Variants in VPS13B observed in about 807,000 individuals in gnomAD.
The protein encoded by VPS13B is intermembrane lipid transfer protein VPS13B.
A neutral mutation model predicts 426.4 loss-of-function variants in VPS13B; 285 were observed. The observed-to-expected ratio is 0.67, with a 90% CI of 0.61 to 0.74. VPS13B has a LOEUF of 0.74. VPS13B is among the 30% of genes least tolerant of loss of function. VPS13B has a pLI of 0.00. For missense variants in VPS13B, 4,537 were observed against 4,782.6 expected (o/e 0.95, Z 1.51); for synonymous variants, 1,676 against 1,676.4 (o/e 1.00, Z 0.01).
rs75255318 is a variant in VPS13B, at chr8:99,868,512, T to C, written c.11392+47T>C. On this transcript the variant is annotated intron_variant, in intron 59 of 61. Coordinates refer to ENST00000357162, the MANE Select transcript of VPS13B (RefSeq NM_152564.5). ...CAGGCCAACCCAGACGTTACTGATT[T>C]GCATGCTTATACCAAGGGTTCCCTA... 5.1e-4 allele frequency: 798 copies of C among 1,565,018 alleles called. 3 individuals carry two copies. The East Asian group carries it at 0.016, about 32-fold the overall frequency.
At chr8:99,189,222 T>G (rs1254539812) in intron 16 of VPS13B, among the ~76,000 whole-genome samples, 2 of 152,056 alleles carry the variant, frequency 1.3e-5, no homozygotes, top group Non-Finnish European at 2.9e-5. Flanking sequence ...GTGCTGGGAT[T>G]ACAGGCGTGA....
chr8:99,156,378 T>G (rs943170385), intron 14 of VPS13B, among the ~76,000 whole-genome samples, 171 bp from the exon 15 acceptor site: 1 of 152,184 alleles, frequency 6.6e-6, no homozygotes, highest in Non-Finnish European at 1.5e-5. Context: ...TTAAAATACA[T>G]GGAAAGACAT....
At position 99,717,223 on chromosome 8, in the gene VPS13B, A is replaced by C. The variant is rs1367000031; in HGVS notation, c.6507A>C (p.Lys2169Asn). Residue 2169 changes from lysine to asparagine, a missense_variant, in exon 37 of 62, where the codon AAA becomes AAC. By Grantham distance (94) the Lys-to-Asn change is moderately conservative. This residue lies in a region of VPS13B where 4,311 missense variants were observed against 4,474.3 expected (regional missense o/e 0.96). Transcript: ENST00000357162. The stretch of plus-strand genomic sequence containing the variant: ...TCAGTATAAACGATTTTCTCCTTAA[A>C]ACAAGTCTCAAAGAAAGAAGCCGCA... ...FLLSINDFLL[K>N]TSLKERSRIL... 22 of 1,614,026 alleles carry C rather than the reference A, an allele frequency of 1.4e-5. No individual in the cohort carries two copies. The highest frequency in any genetic ancestry group is 1.9e-5 in the Non-Finnish European group (22 of 1,179,968).
At position 99,859,397 on chromosome 8, in the gene VPS13B, A is replaced by T. The variant is rs774678400; in HGVS notation, c.10961A>T (p.Tyr3654Phe). 34 of 1,613,956 alleles carry T rather than the reference A, an allele frequency of 2.1e-5. No homozygotes were observed. Among genetic ancestry groups the T allele is most frequent in the Non-Finnish European group, 2.8e-5 (33 of 1,180,028 alleles). The part of the protein sequence containing the change: ...NGVADFFRLP[Y>F]EGLTRGPGAF... The stretch of plus-strand genomic sequence containing the variant: ...GTCGCCGACTTCTTCAGGCTTCCGT[A>T]TGAGGGGCTGACCCGGGGCCCTGGA... The change falls in exon 57 of 62, where the codon TAT becomes TTT. Residue 3654 changes from tyrosine (Y) to phenylalanine (F), a missense_variant. Tyr to Phe is a conservative substitution (Grantham distance 22, BLOSUM62 3). This residue lies in a region of VPS13B where 4,311 missense variants were observed against 4,474.3 expected (regional missense o/e 0.96). Coordinates refer to ENST00000357162, the MANE Select transcript of VPS13B (RefSeq NM_152564.5).
intron 19 of VPS13B, among the ~76,000 whole-genome samples, chr8:99,380,267 G>A (rs1813720201): frequency 6.6e-6 from 1 of 152,046 alleles, no homozygotes; most frequent in African/African-American, 2.4e-5. Context: ...CCTTTATTCT[G>A]TGTATAAGTG....
At chr8:99,199,600 G>GT (rs1814175623) in intron 17 of VPS13B, among the ~76,000 whole-genome samples, 1 of 152,156 alleles carries the variant, frequency 6.6e-6, no homozygotes, top group Admixed American at 6.5e-5. Context: ...ACAATATCCA[G>GT]TTTTTTCCTG....
chr8:99,619,698 C>T (rs895463124), intron 33 of VPS13B, among the ~76,000 whole-genome samples: 1 of 152,024 alleles, frequency 6.6e-6, no homozygotes, highest in Non-Finnish European at 1.5e-5. Context: ...ATAGTGAAAC[C>T]TTGTCTCTAC....
intron 39 of VPS13B, among the ~76,000 whole-genome samples, chr8:99,733,753 A>G (rs935242341): frequency 6.6e-6 from 1 of 152,192 alleles, no homozygotes; most frequent in Non-Finnish European, 1.5e-5. Flanking sequence ...GTTAAAAAAA[A>G]TGAAACTTTA....
At chr8:99,437,847 GT>G (rs1337771320) in intron 22 of VPS13B, among the ~76,000 whole-genome samples, 1 of 152,114 alleles carries the variant, frequency 6.6e-6, no homozygotes, top group African/African-American at 2.4e-5. Flanking sequence ...TTAAAGCTAT[GT>G]TTTTATTCCA....
chr8:99,796,677 A>T (rs1332781014), intron 43 of VPS13B: 3 of 152,222 alleles, frequency 2.0e-5, no homozygotes, highest in Non-Finnish European at 4.4e-5. Flanking sequence ...TGCACTCAAA[A>T]GGTTCTTCTG....
chr8:99,744,519 A>T (rs1403887628), intron 39 of VPS13B, among the ~76,000 whole-genome samples: 1 of 152,188 alleles, frequency 6.6e-6, no homozygotes, highest in Non-Finnish European at 1.5e-5. Flanking sequence ...ACACATGCAC[A>T]CGTATATTTA....
chr8:99,724,440 GC>G (rs1009540109), intron 39 of VPS13B, among the ~76,000 whole-genome samples: 1 of 152,074 alleles, frequency 6.6e-6, no homozygotes, highest in Non-Finnish European at 1.5e-5. Context: ...TGAAAGGAAG[GC>G]CCTAATCAAC....
intron 19 of VPS13B, among the ~76,000 whole-genome samples, chr8:99,334,801 A>T (rs543037961): frequency 1.5e-3 from 231 of 152,194 alleles, no homozygotes; most frequent in African/African-American, 5.1e-3. Flanking sequence ...TTCATCAAGG[A>T]TATTGGTCTA....
intron 23 of VPS13B, among the ~76,000 whole-genome samples, chr8:99,452,651 G>A (rs965116829): frequency 2.6e-5 from 4 of 151,718 alleles, no homozygotes; most frequent in African/African-American, 7.3e-5. Flanking sequence ...TGGTCTTTAC[G>A]AAATGAAAAA....
At chr8:99,409,562 T>A (rs1175808565) in intron 21 of VPS13B, among the ~76,000 whole-genome samples, 1 of 152,154 alleles carries the variant, frequency 6.6e-6, no homozygotes, top group African/African-American at 2.4e-5. Flanking sequence ...ATTAGATATG[T>A]CAAATTAAAT....
chr8:99,581,496 C>T (rs1026685575), intron 33 of VPS13B, among the ~76,000 whole-genome samples: 1 of 152,132 alleles, frequency 6.6e-6, no homozygotes, highest in Non-Finnish European at 1.5e-5. Flanking sequence ...GGCCACTAGA[C>T]CAATGGGCCT....
At chr8:99,293,423 TA>T (rs1469330395) in intron 19 of VPS13B, among the ~76,000 whole-genome samples, 1 of 103,816 alleles carries the variant, frequency 9.6e-6, no homozygotes, top group South Asian at 3.9e-4. Context: ...ACGTTAGACC[TA>T]AAACCATAAA....
chr8:99,444,314 G>A (rs1381495124), intron 23 of VPS13B, among the ~76,000 whole-genome samples: 1 of 152,034 alleles, frequency 6.6e-6, no homozygotes. Flanking sequence ...GGCCAGGCTG[G>A]TTTCAAACTC....
intron 39 of VPS13B, among the ~76,000 whole-genome samples, chr8:99,764,742 G>A (rs1403769672): frequency 2.0e-5 from 3 of 152,002 alleles, no homozygotes; most frequent in Admixed American, 6.6e-5. Flanking sequence ...CATTTTAACA[G>A]TTGTGTAGAA....
Sources: allele counts gnomAD v4.1 joint callset (sites outside exome capture counted in the v4.1 genomes callset), GRCh38; gene constraint gnomAD v4.1.1; regional missense constraint gnomAD v4.1.1; transcripts MANE v1.5; gene names NCBI Gene and HGNC (gene_info 2026-07-23, HGNC 2026-07-21).